Variants in INTS6 observed in about 807,000 individuals in gnomAD.
INTS6 encodes integrator complex subunit 6, also known as DEAD box protein.
Under a neutral mutation model 104.9 loss-of-function variants are expected in INTS6, and 16 were observed. The ratio of observed to expected loss-of-function variants is 0.15; its 90% CI spans 0.10 to 0.23. INTS6 has a LOEUF of 0.23. Ranked by LOEUF, INTS6 falls within the 10% of genes least tolerant of loss-of-function variation. INTS6 has a pLI of 1.00. For missense variants in INTS6, 584 were observed against 1,062.8 expected (o/e 0.55, Z 6.26); for synonymous variants, 324 against 358.7 (o/e 0.90, Z 1.09).
chr13:51,446,134 T>TAC (rs1952911743), intron 3 of INTS6: 1 of 152,072 alleles, frequency 6.6e-6, no homozygotes, highest in Non-Finnish European at 1.5e-5. Flanking sequence ...AAAAGCAAAC[T>TAC]ACATAATGGG....
intron 14 of INTS6, 26 bp from the exon 15 acceptor site, chr13:51,374,465 C>T (rs1260659501): frequency 1.3e-6 from 2 of 1,575,832 alleles, no homozygotes; most frequent in South Asian, 1.1e-5. Flanking sequence ...ATACAACTTT[C>T]TTGAATTTAC....
the INTS6 span, among the ~76,000 whole-genome samples, chr13:51,337,749 G>T: frequency 6.6e-6 from 1 of 152,158 alleles, no homozygotes; most frequent in Admixed American, 6.5e-5. Flanking sequence ...AATGGACAGG[G>T]TCTAATAGAG....
intron 15 of INTS6, among the ~76,000 whole-genome samples, chr13:51,370,893 C>A (rs1406975568): frequency 6.6e-6 from 1 of 152,138 alleles, no homozygotes; most frequent in African/African-American, 2.4e-5. Flanking sequence ...GGGTTAGCCA[C>A]CCTATTCCCT....
At chr13:51,416,963 C>T (rs944945082) in intron 4 of INTS6, among the ~76,000 whole-genome samples, 1 of 152,106 alleles carries the variant, frequency 6.6e-6, no homozygotes, top group African/African-American at 2.4e-5. Flanking sequence ...TCTGCATTTC[C>T]CTCATGACTA....
At chr13:51,432,735 T>C (rs140831609) in intron 3 of INTS6, among the ~76,000 whole-genome samples, 12 of 152,326 alleles carry the variant, frequency 7.9e-5, no homozygotes, top group Non-Finnish European at 1.6e-4. Context: ...GCATAACAAC[T>C]CATGAATTTG....
chr13:51,451,908 G>A (rs1953062998), intron 2 of INTS6, 70 bp downstream of exon 2: 2 of 1,094,296 alleles, frequency 1.8e-6, no homozygotes, highest in Non-Finnish European at 2.7e-6. Context: ...GTGAATGGGG[G>A]GGCGGGGAGG....
chr13:51,338,568 T>C, the INTS6 span, among the ~76,000 whole-genome samples: 1 of 152,176 alleles, frequency 6.6e-6, no homozygotes, highest in East Asian at 1.9e-4. Flanking sequence ...GATGGACAGA[T>C]GGATGAATGA....
At chr13:51,352,797 G>C (rs1955419465), downstream of INTS6, among the ~76,000 whole-genome samples, 1 of 151,992 alleles carries the variant, frequency 6.6e-6, no homozygotes, top group East Asian at 1.9e-4. Context: ...ATGTTTGTTT[G>C]TTTTTAGTCA....
chr13:51,361,467 G>A, downstream of INTS6: 1 of 769,728 alleles, frequency 1.3e-6, no homozygotes. Context: ...TAACCCCCAA[G>A]TTCAGGTGTG....
At chr13:51,344,704 GCACA>G in the INTS6 span, among the ~76,000 whole-genome samples, 119 of 150,460 alleles carry the variant, frequency 7.9e-4, 2 homozygotes, top group East Asian at 0.02. Flanking sequence ...ATACACATGG[GCACA>G]CACACACACA....
chr13:51,357,538 T>C (rs1484271860), downstream of INTS6, among the ~76,000 whole-genome samples: 1 of 152,088 alleles, frequency 6.6e-6, no homozygotes, highest in African/African-American at 2.4e-5. Flanking sequence ...CCCAGAATCA[T>C]TTTACTCAAA....
intron 3 of INTS6, chr13:51,446,931 TA>T (rs1295280740): frequency 6.6e-6 from 1 of 152,096 alleles, no homozygotes; most frequent in Non-Finnish European, 1.5e-5. Flanking sequence ...TTTTGCAAGA[TA>T]AAAAAGTTCT....
At chr13:51,395,138 A>G (rs1217254589) in intron 5 of INTS6, among the ~76,000 whole-genome samples, 162 bp downstream of exon 5, 2 of 152,264 alleles carry the variant, frequency 1.3e-5, no homozygotes, top group Non-Finnish European at 2.9e-5. Context: ...AATGAAGATC[A>G]TAGACCATTA....
intron 4 of INTS6, among the ~76,000 whole-genome samples, chr13:51,427,949 T>C (rs1957013444): frequency 2.0e-5 from 3 of 152,116 alleles, no homozygotes; most frequent in Admixed American, 2.0e-4. Context: ...AGGAAAGACA[T>C]AGGAAGAAAG....
At chr13:51,451,914 G>A in intron 2 of INTS6, 64 bp downstream of exon 2, 2 of 1,200,154 alleles carry the variant, frequency 1.7e-6, no homozygotes, top group Non-Finnish European at 2.4e-6. Context: ...GGGGGGGCGG[G>A]GAGGGCGAGC....
At chr13:51,344,116 C>G in the INTS6 span, 1 of 674,294 alleles carries the variant, frequency 1.5e-6, no homozygotes, top group South Asian at 1.8e-5. Context: ...TTCAAACTGG[C>G]TTTGTATGGT....
chr13:51,364,585 C>A lies in INTS6; in HGVS notation c.*1167G>T, dbSNP rs923600822. On this transcript the variant is annotated 3_prime_UTR_variant, in exon 18 of 18. Transcript: ENST00000311234. ...TAAGATTGCTTCCTCAGTACGGATA[C>A]TCTAGGCCATGTTGAATTGAGGGTG... 8.2e-6 allele frequency: 2 copies of A among 244,276 alleles called. No homozygotes were observed. The highest frequency in any genetic ancestry group is 1.5e-5 in the Non-Finnish European group (2 of 129,116). The allele number at this position is 244,276 out of a possible 1,614,324, so 15.1% of individuals were successfully genotyped here.
downstream of INTS6, chr13:51,361,210 A>G (rs1350774478): frequency 5.1e-6 from 5 of 984,374 alleles, no homozygotes; most frequent in Non-Finnish European, 7.9e-6. Flanking sequence ...ATTTTTAAAG[A>G]ATGTGTTCTA....
In INTS6 at chr13:51,378,431, G is replaced by A. The variant is rs1208848797; in HGVS notation, c.1410C>T (p.Val470=). 4.3e-6 allele frequency: 7 copies of A among 1,612,518 alleles called. No homozygotes were observed. The highest frequency in any genetic ancestry group is 5.1e-6 in the Non-Finnish European group (6 of 1,179,062). ...SQQAKIESDR[V]IGSVGKKVVQ... Reference sequence around the variant, plus strand: ...CTACTTTTTTGCCTACAGATCCAATGACTCGATCAGATTCTATTTTGGCCT... The same window carrying A: ...CTACTTTTTTGCCTACAGATCCAATAACTCGATCAGATTCTATTTTGGCCT... Residue 470 remains valine, a synonymous_variant, in exon 12 of 18, where the codon GTC becomes GTT. Transcript: ENST00000311234.
Sources: allele counts gnomAD v4.1 joint callset (sites outside exome capture counted in the v4.1 genomes callset), GRCh38; gene constraint gnomAD v4.1.1; transcripts MANE v1.5; gene names NCBI Gene and HGNC (gene_info 2026-07-23, HGNC 2026-07-21).